KIF23: variants seen among roughly 807,000 people sequenced by gnomAD.
The protein encoded by KIF23 is kinesin family member 23.
KIF23 carries 30 observed loss-of-function variants against 137.5 expected under a neutral mutation model. That is an observed-to-expected ratio of 0.22 (90% CI 0.16 to 0.30). The LOEUF (loss-of-function observed/expected upper bound fraction) is 0.30, where lower values mean the gene tolerates loss of function less well. Ranked by LOEUF, KIF23 falls within the 10% of genes least tolerant of loss-of-function variation. The pLI is 1.00. For synonymous variants in KIF23, 367 were observed against 391.1 expected, an observed-to-expected ratio of 0.94 and a Z score of 0.73; for missense variants, 920 against 1,194.3, an observed-to-expected ratio of 0.77 and a Z score of 3.38.
intron 1 of KIF23, among the ~76,000 whole-genome samples, chr15:69,415,447 G>A (rs1330136692): frequency 2.0e-5 from 3 of 152,174 alleles, no homozygotes; most frequent in African/African-American, 4.8e-5. Flanking sequence ...TAGAGAAATG[G>A]TGAAATCAAT....
At chr15:69,446,452 G>A in intron 22 of KIF23, 88 bp downstream of exon 22, 1 of 1,024,972 alleles carries the variant, frequency 9.8e-7, no homozygotes. Context: ...TATGCTCTTT[G>A]AAAATGCTGA....
intron 16 of KIF23, 145 bp downstream of exon 16, chr15:69,438,550 C>A: frequency 1.5e-6 from 1 of 646,242 alleles, no homozygotes; most frequent in Non-Finnish European, 2.4e-6. Flanking sequence ...GTAATTCCAA[C>A]ACTTTGGGAG....
rs560256601 is a variant in KIF23 at position 69,440,458 on chromosome 15, C to G, written c.2080C>G (p.Gln694Glu). The G allele has an allele frequency of 6.2e-7, 1 of 1,612,550 alleles. No homozygotes were observed. The highest frequency in any genetic ancestry group is 1.1e-5 in the South Asian group (1 of 90,732). ...GGAGCGAGATCGAGAAAAAGTTACTCAAAGATCTGTTTCTCCATCACCTGT... is the reference window on the plus strand; with the variant it reads ...GGAGCGAGATCGAGAAAAAGTTACTGAAAGATCTGTTTCTCCATCACCTGT... ...SRERDREKVT[Q>E]RSVSPSPVPL... The change falls in exon 18 of 24, where the codon CAA (glutamine) becomes GAA (glutamate). Residue 694 changes from glutamine to glutamate, a missense_variant. Around this residue, in one of 4 missense-constraint regions of KIF23, gnomAD observed 714 missense variants for 866.2 expected, o/e 0.82. Transcript: ENST00000679126.
chr15:69,416,949 C>CTACA (rs1555426327), intron 2 of KIF23, among the ~76,000 whole-genome samples: 3 of 150,240 alleles, frequency 2.0e-5, no homozygotes, highest in Non-Finnish European at 3.0e-5. Flanking sequence ...AACTCTGTCT[C>CTACA]TAAATAAATA....
chr15:69,427,788 A>G (rs1430785338), intron 10 of KIF23, among the ~76,000 whole-genome samples: 1 of 152,210 alleles, frequency 6.6e-6, no homozygotes, highest in Non-Finnish European at 1.5e-5. Flanking sequence ...GAAGATTTAT[A>G]AGTGGCAGGA....
chr15:69,447,582 A>G (rs2057768270), intron 23 of KIF23, among the ~76,000 whole-genome samples: 1 of 152,136 alleles, frequency 6.6e-6, no homozygotes, highest in Admixed American at 6.5e-5. Flanking sequence ...AGCAATTTAG[A>G]AAATTGTTGC....
intron 3 of KIF23, among the ~76,000 whole-genome samples, chr15:69,420,540 C>T (rs2057027960): frequency 1.3e-5 from 2 of 152,068 alleles, no homozygotes; most frequent in African/African-American, 2.4e-5. Context: ...TTGAAGTATT[C>T]TTGCTTTCTT....
intron 23 of KIF23, 127 bp downstream of exon 23, chr15:69,447,068 T>A: frequency 1.1e-6 from 1 of 875,044 alleles, no homozygotes; most frequent in Non-Finnish European, 1.9e-6. Flanking sequence ...GTTTTCCCCT[T>A]GGACTATCTG....
At chr15:69,430,462 G>C (rs575298399) in intron 11 of KIF23, among the ~76,000 whole-genome samples, 43 of 152,284 alleles carry the variant, frequency 2.8e-4, no homozygotes, top group African/African-American at 7.9e-4. Context: ...TAATAGAGGA[G>C]ATCAGTAGAT....
intron 3 of KIF23, among the ~76,000 whole-genome samples, chr15:69,421,382 C>CT (rs2057051678): frequency 6.6e-6 from 1 of 151,732 alleles, no homozygotes; most frequent in African/African-American, 2.4e-5. Flanking sequence ...GAGCAAAACT[C>CT]TGTCTCAAAA....
rs1402718144 is a variant in KIF23, at chr15:69,448,160, C to G, written c.*353C>G. ...GTTTGTCTTAGATGATTAAGGAAGA[C>G]TATATCTAGATCATGTCTGATTTTT... On this transcript the variant is annotated 3_prime_UTR_variant, in exon 24 of 24. Coordinates refer to ENST00000679126, the MANE Select transcript of KIF23 (RefSeq NM_001367805.3). 1 of 162,838 alleles carries G rather than the reference C, an allele frequency of 6.1e-6. No homozygotes were observed. The highest frequency in any genetic ancestry group is 2.4e-5 in the African/African-American group (1 of 41,872). The allele number at this position is 162,838 out of a possible 1,614,324, so 10.1% of individuals were successfully genotyped here. A position where few individuals can be genotyped will look rare whatever the true frequency, so the allele number is the denominator to read the frequency against.
At chr15:69,432,890 C>T (rs2057389329) in intron 11 of KIF23, among the ~76,000 whole-genome samples, 1 of 152,176 alleles carries the variant, frequency 6.6e-6, no homozygotes, top group African/African-American at 2.4e-5. Context: ...ATTACAGGTA[C>T]TACTAATGCT....
At chr15:69,427,258 CTG>C (rs1346218854) in intron 10 of KIF23, 3 of 352,102 alleles carry the variant, frequency 8.5e-6, no homozygotes, top group African/African-American at 4.3e-5. Flanking sequence ...AATTTGGTAT[CTG>C]TGAAATTTAG....
Position 69,422,431 on chromosome 15 carries a change from A to G in KIF23, c.559A>G (p.Ser187Gly), listed in dbSNP as rs1368234649. ...TATGCCCAATCCAAAGACTTCTTCT[A>G]GCAAGTAAGTAATTATATTTGTCTG... ...EAMPNPKTSS[S>G]KRQVDPEFAD... The change falls in exon 6 of 24, where the codon AGC becomes GGC. Residue 187 changes from serine (S) to glycine (G), a missense_variant. Transcript: ENST00000679126. 1.3e-6 allele frequency: 2 copies of G among 1,561,458 alleles called. No homozygotes were observed. The highest frequency in any genetic ancestry group is 4.5e-5 in the East Asian group (2 of 44,612).
chr15:69,435,865 A>G (rs2057464866), intron 13 of KIF23, 94 bp downstream of exon 13: 1 of 1,474,530 alleles, frequency 6.8e-7, no homozygotes, highest in East Asian at 2.3e-5. Context: ...TATTTTAAAA[A>G]TGGATAGAGA....
intron 19 of KIF23, among the ~76,000 whole-genome samples, chr15:69,442,911 G>C (rs2057655254): frequency 6.6e-6 from 1 of 152,204 alleles, no homozygotes; most frequent in Non-Finnish European, 1.5e-5. Flanking sequence ...TTATACTTCA[G>C]TGAGGAAAAA....
At chr15:69,435,287 A>G (rs2057450554) in intron 11 of KIF23, among the ~76,000 whole-genome samples, 196 bp from the exon 12 acceptor site, 1 of 152,110 alleles carries the variant, frequency 6.6e-6, no homozygotes, top group Non-Finnish European at 1.5e-5. Flanking sequence ...TGGCTGTTTA[A>G]CCTTCCCAGA....
intron 17 of KIF23, 74 bp from the exon 18 acceptor site, chr15:69,440,234 A>C: frequency 6.5e-7 from 1 of 1,528,850 alleles, no homozygotes; most frequent in South Asian, 1.3e-5. Context: ...TTAGGAAATA[A>C]AGAGATTGGG....
At chr15:69,434,908 C>T (rs1436787432) in intron 11 of KIF23, 11 of 709,776 alleles carry the variant, frequency 1.5e-5, no homozygotes, top group Non-Finnish European at 2.2e-5. Context: ...ATGCCCAGCT[C>T]CAGCTCGTGG....
Sources: gnomAD v4.1 joint callset for allele counts (sites outside exome capture counted in the v4.1 genomes callset) on GRCh38, gnomAD v4.1.1 for gene constraint, gnomAD v4.1.1 regional missense constraint, MANE v1.5 for transcripts, NCBI Gene and HGNC (gene_info 2026-07-23, HGNC 2026-07-21) for gene names.